Variants in TM4SF19 observed in about 807,000 individuals in gnomAD.
TM4SF19 encodes transmembrane 4 L six family member 19, also known as transmembrane 4 L6 family member 19.
Under a neutral mutation model 21.8 loss-of-function variants are expected in TM4SF19, and 17 were observed. The ratio of observed to expected loss-of-function variants is 0.78; its 90% CI spans 0.53 to 1.17. TM4SF19 has a LOEUF of 1.17. Ranked by LOEUF, TM4SF19 falls within the 50% of genes most tolerant of loss-of-function variation. The pLI is 0.00. For missense variants in TM4SF19, 216 were observed against 252.1 expected, an observed-to-expected ratio of 0.86 and a Z score of 0.97; for synonymous variants, 107 against 106.7, an observed-to-expected ratio of 1.00 and a Z score of -0.02.
At position 196,329,184 on chromosome 3, in the gene TM4SF19, C is replaced by T. The variant is rs1422368920; in HGVS notation, c.-1-1593G>A. 2.4e-5 allele frequency among the ~76,000 whole-genome samples: 3 copies of T among 126,334 alleles called. 1 individual carries two copies. Among genetic ancestry groups the T allele is most frequent in the African/African-American group, 8.0e-5 (3 of 37,646 alleles). 82.9% of individuals were successfully genotyped at this position (126,334 alleles called of 152,430 possible). On this transcript the variant is annotated intron_variant, in intron 1 of 4. Coordinates refer to ENST00000273695, the MANE Select transcript of TM4SF19 (RefSeq NM_138461.4). ...GTCTTGATCTCCTGACCTCGTGATC[C>T]GCCTGTCTCGGGCTCCCAAAGTGCT...
At chr3:196,327,856 T>C (rs1376644390) in intron 1 of TM4SF19, among the ~76,000 whole-genome samples, 1 of 152,238 alleles carries the variant, frequency 6.6e-6, no homozygotes, top group Non-Finnish European at 1.5e-5. Context: ...TATGCCTCTA[T>C]TACAGCCAGT....
chr3:196,331,881 C>A (rs1727526745), intron 1 of TM4SF19, among the ~76,000 whole-genome samples: 1 of 152,190 alleles, frequency 6.6e-6, no homozygotes, highest in Admixed American at 6.5e-5. Context: ...ACTTCAGACA[C>A]CTAAAGTGCT....
chr3:196,336,071 G>C (rs924412205), intron 1 of TM4SF19, among the ~76,000 whole-genome samples: 7 of 152,062 alleles, frequency 4.6e-5, no homozygotes, highest in African/African-American at 1.7e-4. Context: ...CAACCCCCCT[G>C]ACGATCTCTT....
At chr3:196,329,661 C>A (rs1727432575) in intron 1 of TM4SF19, among the ~76,000 whole-genome samples, 1 of 119,332 alleles carries the variant, frequency 8.4e-6, no homozygotes, top group African/African-American at 2.8e-5. Flanking sequence ...GAGCAAGCGA[C>A]TCCATCTAAA....
At chr3:196,330,600 C>G (rs1727469128) in intron 1 of TM4SF19, among the ~76,000 whole-genome samples, 1 of 152,056 alleles carries the variant, frequency 6.6e-6, no homozygotes, top group Non-Finnish European at 1.5e-5. Flanking sequence ...GTGGAAGAAG[C>G]CAGAAACAAA....
chr3:196,332,275 G>A (rs779746205), intron 1 of TM4SF19, among the ~76,000 whole-genome samples: 52 of 151,564 alleles, frequency 3.4e-4, no homozygotes, highest in African/African-American at 1.0e-3. Context: ...AATTAACTGC[G>A]TGGTGGTGTG....
Position 196,323,986 on chromosome 3 carries a change from T to C in TM4SF19, c.461A>G (p.Tyr154Cys), listed in dbSNP as rs371692166. 9 of 1,613,744 alleles carry C rather than the reference T, an allele frequency of 5.6e-6. No homozygotes were observed. Among genetic ancestry groups the C allele is most frequent in the African/African-American group, 5.3e-5 (4 of 74,860 alleles). Residue 154 changes from tyrosine (Y) to cysteine (C), a missense_variant, in exon 5 of 5, where the codon TAT becomes TGT. By Grantham distance (194) the Tyr-to-Cys change is radical (BLOSUM62 -2). Transcript: ENST00000273695. ...FKDLHSRNYL[Y>C]DRSLWNSVCL... is the part of the protein sequence containing the mutation. ...GACGGAGTTCCAGAGCGAACGGTCA[T>C]ACAGATAATTCCTATCCCAAAAAAT...
intron 1 of TM4SF19, among the ~76,000 whole-genome samples, chr3:196,330,331 G>A (rs1415193589): frequency 6.6e-6 from 1 of 152,002 alleles, no homozygotes. Context: ...ATAGATAATG[G>A]TAATGGTTGC....
intron 1 of TM4SF19, among the ~76,000 whole-genome samples, chr3:196,327,940 G>C (rs1404094597): frequency 6.6e-6 from 1 of 152,136 alleles, no homozygotes; most frequent in Admixed American, 6.6e-5. Context: ...ATTCAACGTT[G>C]TACTGGTCCT....
At chr3:196,336,160 CAG>C (rs901729380) in intron 1 of TM4SF19, among the ~76,000 whole-genome samples, 3 of 151,274 alleles carry the variant, frequency 2.0e-5, no homozygotes, top group Admixed American at 2.0e-4. Flanking sequence ...TTTTTTGAGA[CAG>C]AGTTTCACTC....
At position 196,327,606 on chromosome 3, in the gene TM4SF19, A is replaced by T; in HGVS notation, c.-1-15T>A. 6.2e-7 allele frequency: 1 copy of T among 1,610,602 alleles called. No individual in the cohort carries two copies. Among genetic ancestry groups the T allele is most frequent in the Non-Finnish European group, 8.5e-7 (1 of 1,178,056 alleles). ...AGGACACCATCCTGGAACAGATAGA[A>T]AGGGAGTCGCAGCAGCTCTGCTGTG... On this transcript the variant is annotated splice_polypyrimidine_tract_variant and intron_variant, in intron 1 of 4. Transcript: ENST00000273695.
chr3:196,334,557 G>A (rs756015972), intron 1 of TM4SF19, among the ~76,000 whole-genome samples: 3 of 151,886 alleles, frequency 2.0e-5, no homozygotes, highest in Non-Finnish European at 4.4e-5. Context: ...CGGTTCAAGC[G>A]ATTGTTCTGC....
Position 196,327,414 on chromosome 3 carries a change from A to G in TM4SF19, c.177T>C (p.Thr59=), listed in dbSNP as rs532304680. ...CCATGAGGCCTCCTCCCCAGAGCCCAGTTCCCAGCATGGCATGCCTGCCAA... is the reference window on the plus strand; with the variant it reads ...CCATGAGGCCTCCTCCCCAGAGCCCGGTTCCCAGCATGGCATGCCTGCCAA... ...GLLGRHAMLG[T]GLWGGGLMVL... Residue 59 remains threonine, a synonymous_variant, in exon 2 of 5, where the codon ACT becomes ACC. Coordinates refer to ENST00000273695, the MANE Select transcript of TM4SF19 (RefSeq NM_138461.4). 2.5e-6 allele frequency: 4 copies of G among 1,614,138 alleles called. No homozygotes were observed. In the South Asian group the frequency reaches 4.4e-5, roughly 18 times the overall value.
intron 1 of TM4SF19, among the ~76,000 whole-genome samples, chr3:196,329,695 A>G (rs1398488016): frequency 8.1e-6 from 1 of 123,998 alleles, no homozygotes; most frequent in African/African-American, 2.7e-5. Flanking sequence ...GCTAAAAGAA[A>G]TAAGCCAGAC....
rs775907643 is a variant in TM4SF19, at chr3:196,323,753, G to A, written c.*64C>T. ...TGTTTATAATTCGTACCCACTCCTT[G>A]TAGAAAGGATTCAAGACAGCCGATG... On this transcript the variant is annotated 3_prime_UTR_variant, in exon 5 of 5. Transcript: ENST00000273695. 1.9e-6 allele frequency: 3 copies of A among 1,613,744 alleles called. No individual in the cohort carries two copies. Among genetic ancestry groups the A allele is most frequent in the East Asian group, 2.2e-5 (1 of 44,882 alleles).
intron 3 of TM4SF19, chr3:196,324,731 C>T (rs971502462): frequency 1.8e-5 from 7 of 386,404 alleles, no homozygotes; most frequent in East Asian, 4.6e-5. Context: ...ACCGTGAGTT[C>T]GCCTGAGCTG....
intron 1 of TM4SF19, among the ~76,000 whole-genome samples, chr3:196,338,044 C>G (rs1398933500): frequency 1.3e-5 from 2 of 152,140 alleles, no homozygotes; most frequent in African/African-American, 4.8e-5. Flanking sequence ...GCTGCCCATG[C>G]CCAAACTTGA....
At chr3:196,327,330 T>G in intron 2 of TM4SF19, 60 bp downstream of exon 2, 4 of 1,536,942 alleles carry the variant, frequency 2.6e-6, no homozygotes, top group Non-Finnish European at 2.7e-6. Flanking sequence ...CCATGCCACC[T>G]TCCTGCTCCC....
intron 4 of TM4SF19, 78 bp downstream of exon 4, chr3:196,324,193 G>A (rs896895195): frequency 6.5e-7 from 1 of 1,541,218 alleles, no homozygotes; most frequent in African/African-American, 1.4e-5. Context: ...AAAGGAGCTT[G>A]TAGTTCGTCT....
Sources: allele counts gnomAD v4.1 joint callset (sites outside exome capture counted in the v4.1 genomes callset), GRCh38; gene constraint gnomAD v4.1.1; transcripts MANE v1.5; gene names NCBI Gene and HGNC (gene_info 2026-07-23, HGNC 2026-07-21).